The following MKLN1 variants were observed in gnomAD, a reference collection of about 807,000 sequenced individuals.
MKLN1 encodes the protein muskelin.
Under a neutral mutation model 99.0 loss-of-function variants are expected in MKLN1, and 18 were observed. The ratio of observed to expected loss-of-function variants is 0.18; its 90% CI spans 0.13 to 0.27. The LOEUF (loss-of-function observed/expected upper bound fraction) is 0.27. Ranked by LOEUF, MKLN1 falls within the 10% of genes least tolerant of loss-of-function variation. The pLI is 1.00. For missense variants in MKLN1, 621 were observed against 875.9 expected (o/e 0.71, Z 3.67); for synonymous variants, 288 against 293.2 (o/e 0.98, Z 0.18).
intron 2 of MKLN1, among the ~76,000 whole-genome samples, chr7:131,178,677 C>T (rs544835338): frequency 3.3e-4 from 50 of 152,130 alleles, no homozygotes; most frequent in Admixed American, 1.0e-3. Context: ...TTTTGTTTTG[C>T]TTTTTTCCTT....
intron 4 of MKLN1, among the ~76,000 whole-genome samples, chr7:131,389,874 G>C (rs1794147209): frequency 6.6e-6 from 1 of 151,458 alleles, no homozygotes; most frequent in Non-Finnish European, 1.5e-5. Context: ...GGGAGACAGA[G>C]CGAGACTCCA....
intron 1 of MKLN1, among the ~76,000 whole-genome samples, chr7:131,346,033 A>AGTCC (rs1799549512): frequency 6.6e-6 from 1 of 152,220 alleles, no homozygotes. Context: ...TAGGAGTGAA[A>AGTCC]AATGAAAGAC....
At chr7:131,476,503 C>T (rs750702173) in intron 16 of MKLN1, among the ~76,000 whole-genome samples, 3 of 152,012 alleles carry the variant, frequency 2.0e-5, no homozygotes, top group Non-Finnish European at 4.4e-5. Context: ...TTTATACTAG[C>T]AGTGAACAAT....
intron 2 of MKLN1, among the ~76,000 whole-genome samples, chr7:131,201,609 T>C (rs1013305522): frequency 6.6e-6 from 1 of 152,242 alleles, no homozygotes; most frequent in Non-Finnish European, 1.5e-5. Flanking sequence ...TCTTGTATAC[T>C]GTATCTACTT....
At chr7:131,340,275 CTTTTTTTTTTT>C (rs398006316) in intron 1 of MKLN1, among the ~76,000 whole-genome samples, 1 of 85,050 alleles carries the variant, frequency 1.2e-5, no homozygotes, top group East Asian at 4.1e-4. Flanking sequence ...GTAATTACGG[CTTTTTTTTTTT>C]TTTTTTTTTT....
At chr7:131,307,215 A>G (rs1474278466) in intron 3 of MKLN1, among the ~76,000 whole-genome samples, 1 of 152,072 alleles carries the variant, frequency 6.6e-6, no homozygotes, top group Admixed American at 6.5e-5. Context: ...AAAGTTTGAG[A>G]ATCCTCCGCC....
intron 4 of MKLN1, among the ~76,000 whole-genome samples, chr7:131,393,978 G>T (rs1794281068): frequency 6.6e-6 from 1 of 150,486 alleles, no homozygotes; most frequent in Non-Finnish European, 1.5e-5. Flanking sequence ...AATATTTTAT[G>T]TCTGGTGACA....
chr7:131,420,723 C>T (rs1382292054), intron 8 of MKLN1, among the ~76,000 whole-genome samples: 1 of 151,970 alleles, frequency 6.6e-6, no homozygotes, highest in Non-Finnish European at 1.5e-5. Context: ...TTGTATATAC[C>T]ATTGCTGTCT....
chr7:131,336,364 A>G (rs1340410080), intron 1 of MKLN1, among the ~76,000 whole-genome samples: 1 of 151,988 alleles, frequency 6.6e-6, no homozygotes, highest in Non-Finnish European at 1.5e-5. Flanking sequence ...TTAAGAATAA[A>G]CAGATTTTTG....
At chr7:131,461,448 TTGTA>T (rs959856270) in intron 12 of MKLN1, among the ~76,000 whole-genome samples, 8 of 152,126 alleles carry the variant, frequency 5.3e-5, no homozygotes, top group African/African-American at 1.2e-4. Flanking sequence ...TGTATACAAA[TTGTA>T]TGGTGTGTGT....
chr7:131,324,080 G>C (rs1423702164), upstream of MKLN1, among the ~76,000 whole-genome samples: 1 of 152,090 alleles, frequency 6.6e-6, no homozygotes, highest in Non-Finnish European at 1.5e-5. Flanking sequence ...CAAACCCCTG[G>C]TTCTGAGGCA....
chr7:131,125,683 C>T (rs1053135786), intron 1 of MKLN1, among the ~76,000 whole-genome samples: 1 of 152,062 alleles, frequency 6.6e-6, no homozygotes, highest in African/African-American at 2.4e-5. Context: ...CCAGCCTGGG[C>T]AACAAAGTGA....
At chr7:131,120,982 CAT>C (rs1282550186) in intron 1 of MKLN1, among the ~76,000 whole-genome samples, 2 of 152,206 alleles carry the variant, frequency 1.3e-5, no homozygotes, top group African/African-American at 4.8e-5. Context: ...GTTATAAAGA[CAT>C]ATGTGGGACT....
intron 16 of MKLN1, among the ~76,000 whole-genome samples, chr7:131,473,719 C>T (rs1157325194): frequency 6.6e-6 from 1 of 152,066 alleles, no homozygotes; most frequent in East Asian, 1.9e-4. Context: ...TATCGATTCC[C>T]CATAATAGGT....
At chr7:131,485,672 C>G (rs1190171604) in intron 17 of MKLN1, among the ~76,000 whole-genome samples, 1 of 152,090 alleles carries the variant, frequency 6.6e-6, no homozygotes, top group Non-Finnish European at 1.5e-5. Context: ...CACAATATCA[C>G]TTCTGTAGCA....
chr7:131,179,719 T>G (rs1796352089), intron 2 of MKLN1, among the ~76,000 whole-genome samples: 1 of 151,234 alleles, frequency 6.6e-6, no homozygotes, highest in Non-Finnish European at 1.5e-5. Context: ...GGACTACAGG[T>G]GCATGCTGCC....
intron 2 of MKLN1, among the ~76,000 whole-genome samples, chr7:131,376,056 ATACT>A (rs1793636630): frequency 6.9e-6 from 1 of 145,022 alleles, no homozygotes; most frequent in Admixed American, 7.0e-5. Context: ...TGGGTAAATA[ATACT>A]TACTTTATTT....
chr7:131,224,577 T>C (rs1210808575), intron 3 of MKLN1, among the ~76,000 whole-genome samples: 1 of 151,612 alleles, frequency 6.6e-6, no homozygotes, highest in African/African-American at 2.4e-5. Flanking sequence ...AAATAAAGAA[T>C]TAAAATAAAT....
intron 3 of MKLN1, among the ~76,000 whole-genome samples, chr7:131,308,668 G>A (rs1204898295): frequency 5.3e-5 from 8 of 150,488 alleles, no homozygotes; most frequent in East Asian, 2.0e-4. Context: ...TCACCGCAAC[G>A]TCCATCTCCC....
Sources: gnomAD v4.1 joint callset for allele counts (sites outside exome capture counted in the v4.1 genomes callset) on GRCh38, gnomAD v4.1.1 for gene constraint, MANE v1.5 for transcripts, NCBI Gene and HGNC (gene_info 2026-07-23, HGNC 2026-07-21) for gene names.